DLGAP5: variants seen among roughly 807,000 people sequenced by gnomAD.
DLGAP5 encodes DLG associated protein 5.
DLGAP5 carries 90 observed loss-of-function variants against 99.6 expected under a neutral mutation model. The observed-to-expected ratio is 0.90, with a 90% CI of 0.76 to 1.08. The LOEUF is 1.08. Ranked by LOEUF, DLGAP5 falls within the 50% of genes least tolerant of loss-of-function variation. DLGAP5 has a pLI of 0.00. For synonymous variants in DLGAP5, 311 were observed against 321.3 expected (o/e 0.97, Z 0.34); for missense variants, 1,036 against 983.5 (o/e 1.05, Z -0.71).
chr14:55,163,222 T>G (rs1882510689), intron 12 of DLGAP5, 147 bp from the exon 13 acceptor site: 1 of 430,406 alleles, frequency 2.3e-6, no homozygotes, highest in African/African-American at 2.0e-5. Context: ...AATTTAGTGT[T>G]CAAATAATTT....
chr14:55,185,195 C>T (rs1193078543), intron 2 of DLGAP5, among the ~76,000 whole-genome samples: 1 of 152,008 alleles, frequency 6.6e-6, no homozygotes, highest in Non-Finnish European at 1.5e-5. Flanking sequence ...CTACTATCAA[C>T]ACTTTTATTT....
At chr14:55,170,813 T>C in intron 10 of DLGAP5, 26 bp from the exon 11 acceptor site, 1 of 1,583,542 alleles carries the variant, frequency 6.3e-7, no homozygotes, top group Non-Finnish European at 8.7e-7. Context: ...ACATTTCAGT[T>C]CTACAAGTGG....
intron 6 of DLGAP5, among the ~76,000 whole-genome samples, chr14:55,180,013 T>C (rs947441789): frequency 1.3e-5 from 2 of 152,148 alleles, no homozygotes; most frequent in Non-Finnish European, 2.9e-5. Flanking sequence ...AGGTTCAGCA[T>C]ACTTGATACA....
Position 55,182,366 on chromosome 14 carries a change from A to C in DLGAP5, c.495+4T>G. 1 of 1,610,626 alleles carries C rather than the reference A, an allele frequency of 6.2e-7. No homozygotes were observed. The highest frequency in any genetic ancestry group is 8.5e-7 in the Non-Finnish European group (1 of 1,178,078). On this transcript the variant is annotated splice_donor_region_variant and intron_variant, in intron 4 of 18. Coordinates refer to ENST00000247191, the MANE Select transcript of DLGAP5 (RefSeq NM_014750.5). ...TAGTAACAATTATCTACTATCAACT[A>C]TACCTTAGTCTGCTCCATTTGGTCT...
chr14:55,168,840 G>A (rs907041542), intron 12 of DLGAP5, among the ~76,000 whole-genome samples: 2 of 152,092 alleles, frequency 1.3e-5, no homozygotes, highest in Non-Finnish European at 2.9e-5. Context: ...AATCATTATA[G>A]ACTATTAAAG....
In DLGAP5 at chr14:55,150,811, GT is replaced by G; in HGVS notation, c.2405del (p.His802ProfsTer8). On this transcript the variant is annotated frameshift_variant, in exon 18 of 19. Coordinates refer to ENST00000247191, the MANE Select transcript of DLGAP5 (RefSeq NM_014750.5). LOFTEE classifies it low-confidence loss of function (END_TRUNC). ...FDNKSLTTEC[H>X]LLDSPGLNCS... The stretch of plus-strand genomic sequence containing the variant: ...TTGGAAAACTTACTGAATCAAGAAG[GT>G]GGCATTCAGTAGTGAGACTTTTATT... 1 of 1,576,970 alleles carries G rather than the reference GT, an allele frequency of 6.3e-7. No individual in the cohort carries two copies. The highest frequency in any genetic ancestry group is 8.6e-7 in the Non-Finnish European group (1 of 1,168,650).
intron 5 of DLGAP5, 112 bp downstream of exon 5, chr14:55,181,101 C>G (rs974680939): frequency 8.5e-6 from 9 of 1,060,906 alleles, no homozygotes; most frequent in African/African-American, 4.8e-5. Flanking sequence ...GGCAACAGAG[C>G]AAGACTCTGT....
chr14:55,176,091 G>T, intron 8 of DLGAP5, 73 bp from the exon 9 acceptor site: 1 of 1,325,496 alleles, frequency 7.5e-7, no homozygotes, highest in Non-Finnish European at 1.0e-6. Flanking sequence ...TTTCAAAATT[G>T]TGTCACTTGT....
chr14:55,173,298 AACAC>A (rs1882931167), intron 10 of DLGAP5, among the ~76,000 whole-genome samples: 1 of 151,232 alleles, frequency 6.6e-6, no homozygotes, highest in Non-Finnish European at 1.5e-5. Context: ...CAAAAAAAAA[AACAC>A]ACACACACCA....
At chr14:55,178,980 GA>G (rs1355413691) in intron 7 of DLGAP5, among the ~76,000 whole-genome samples, 2 of 152,142 alleles carry the variant, frequency 1.3e-5, no homozygotes, top group African/African-American at 4.8e-5. Flanking sequence ...CCGGGGAGCG[GA>G]AGGTGCAGTG....
At chr14:55,153,102 G>A (rs989263408) in intron 15 of DLGAP5, among the ~76,000 whole-genome samples, 1 of 151,946 alleles carries the variant, frequency 6.6e-6, no homozygotes, top group Non-Finnish European at 1.5e-5. Flanking sequence ...AATTTTATCC[G>A]AAAGTTCAAA....
intron 14 of DLGAP5, among the ~76,000 whole-genome samples, chr14:55,156,707 A>G (rs1882227518): frequency 6.6e-6 from 1 of 151,792 alleles, no homozygotes; most frequent in Admixed American, 6.5e-5. Flanking sequence ...TACAAGAGAC[A>G]GAAACCAAAA....
At chr14:55,171,876 A>G (rs1003474711) in intron 10 of DLGAP5, among the ~76,000 whole-genome samples, 3 of 152,238 alleles carry the variant, frequency 2.0e-5, no homozygotes, top group East Asian at 1.9e-4. Flanking sequence ...CAAATACTAC[A>G]TAATTCTACT....
In DLGAP5 at chr14:55,183,299, A is replaced by T. The variant is rs146705533; in HGVS notation, c.432+261T>A. Among the ~76,000 whole-genome samples, 705 of 152,282 alleles carry T rather than the reference A, an allele frequency of 4.6e-3. 17 individuals are homozygous for T. Among genetic ancestry groups the T allele is most frequent in the Admixed American group, 0.038 (578 of 15,292 alleles). ...TATAAACTTCTCCTGATTCTGCAAAACCTACAGGATAAACACCAAATCCTT... is the reference window on the plus strand; with the variant it reads ...TATAAACTTCTCCTGATTCTGCAAATCCTACAGGATAAACACCAAATCCTT... On this transcript the variant is annotated intron_variant, in intron 3 of 18. Transcript: ENST00000247191.
chr14:55,149,748 T>C (rs182429887), intron 18 of DLGAP5, among the ~76,000 whole-genome samples: 77 of 147,424 alleles, frequency 5.2e-4, no homozygotes, highest in Admixed American at 4.3e-3. Flanking sequence ...CTCCAGATCA[T>C]TGAAATAAAA....
At chr14:55,160,343 C>T (rs545659676) in intron 13 of DLGAP5, among the ~76,000 whole-genome samples, 1 of 150,804 alleles carries the variant, frequency 6.6e-6, no homozygotes, top group South Asian at 2.1e-4. Flanking sequence ...TGCAGTGAGC[C>T]GAGATGGCGC....
intron 13 of DLGAP5, among the ~76,000 whole-genome samples, 158 bp from the exon 14 acceptor site, chr14:55,158,899 T>G (rs1156463336): frequency 6.6e-6 from 1 of 152,088 alleles, no homozygotes; most frequent in Non-Finnish European, 1.5e-5. Context: ...TCCTAGTATG[T>G]GCTAAAAGGT....
At chr14:55,174,991 TTGTCCA>T (rs1883006775) in intron 10 of DLGAP5, among the ~76,000 whole-genome samples, 1 of 152,114 alleles carries the variant, frequency 6.6e-6, no homozygotes, top group African/African-American at 2.4e-5. Context: ...GCCCAGCCTA[TTGTCCA>T]TATTTTTTAA....
Position 55,177,190 on chromosome 14 carries a change from A to G in DLGAP5, c.921T>C (p.Phe307=), listed in dbSNP as rs10144326. 0.14 allele frequency: 225,705 copies of G among 1,613,226 alleles called. 31,042 individuals are homozygous for G. The highest frequency in any genetic ancestry group is 0.73 in the African/African-American group (54,630 of 74,786). The change falls in exon 8 of 19, where the codon TTT becomes TTC. Residue 307 remains phenylalanine (F), a synonymous_variant. Coordinates refer to ENST00000247191, the MANE Select transcript of DLGAP5 (RefSeq NM_014750.5). ...NTAKIKGKNS[F]APKDFMFQPL... ...GCTGAAACATAAAATCCTTAGGTGC[A>G]AAGGAATTCTTCCCTTTTATTTTTG...
Sources: allele counts gnomAD v4.1 joint callset (sites outside exome capture counted in the v4.1 genomes callset), GRCh38; gene constraint gnomAD v4.1.1; transcripts MANE v1.5; gene names NCBI Gene and HGNC (gene_info 2026-07-23, HGNC 2026-07-21).